The following ATRNL1 variants were observed in gnomAD, a reference collection of about 807,000 sequenced individuals.
ATRNL1 encodes attractin like 1, also known as attractin-like protein 1.
ATRNL1 carries 95 observed loss-of-function variants against 182.7 expected under a neutral mutation model. That is an observed-to-expected ratio of 0.52 (90% CI 0.44 to 0.62). ATRNL1 has a LOEUF of 0.62. Among genes scored for constraint, ATRNL1 ranks in the 20% least tolerant of loss-of-function variants. The pLI is 0.00. For missense variants in ATRNL1, 1,471 were observed against 1,679.5 expected (o/e 0.88, Z 2.17); for synonymous variants, 576 against 568.3 (o/e 1.01, Z -0.19).
chr10:115,684,419 T>A (rs1217076147), intron 26 of ATRNL1, among the ~76,000 whole-genome samples: 1 of 150,792 alleles, frequency 6.6e-6, no homozygotes, highest in Non-Finnish European at 1.5e-5. Flanking sequence ...TTTTTTGTAA[T>A]AACATTAGTA....
intron 19 of ATRNL1, among the ~76,000 whole-genome samples, chr10:115,351,526 A>G (rs1856249338): frequency 6.6e-6 from 1 of 151,840 alleles, no homozygotes; most frequent in Admixed American, 6.6e-5. Context: ...TTATTTTGTT[A>G]TATGTTATAG....
intron 27 of ATRNL1, among the ~76,000 whole-genome samples, chr10:115,779,607 A>C (rs1346553045): frequency 1.3e-5 from 2 of 152,222 alleles, no homozygotes; most frequent in African/African-American, 4.8e-5. Context: ...TGAAAGCTAA[A>C]TATTAGGAGG....
At chr10:115,709,481 G>A (rs528581051) in intron 26 of ATRNL1, among the ~76,000 whole-genome samples, 12 of 152,006 alleles carry the variant, frequency 7.9e-5, no homozygotes, top group African/African-American at 2.9e-4. Flanking sequence ...CAATATATCT[G>A]AAGAGTAAAA....
intron 26 of ATRNL1, among the ~76,000 whole-genome samples, chr10:115,663,695 C>A (rs1030438905): frequency 6.6e-6 from 1 of 151,934 alleles, no homozygotes; most frequent in Non-Finnish European, 1.5e-5. Context: ...TCAAGTAGAA[C>A]TTTTTGGGGG....
At chr10:115,153,369 C>G (rs1186636486) in intron 5 of ATRNL1, among the ~76,000 whole-genome samples, 2 of 152,038 alleles carry the variant, frequency 1.3e-5, no homozygotes, top group Non-Finnish European at 2.9e-5. Context: ...GGTTGGTAAG[C>G]TATTAATTAT....
At chr10:115,590,556 A>G (rs1307011586) in intron 26 of ATRNL1, among the ~76,000 whole-genome samples, 7 of 152,182 alleles carry the variant, frequency 4.6e-5, no homozygotes, top group Non-Finnish European at 8.8e-5. Context: ...ATTAATGAAT[A>G]TTAATAAAAT....
rs1462383669 is a variant in ATRNL1, at chr10:115,558,058, AAAAAAAC to A, written c.3795+8529_3795+8535del. Among the ~76,000 whole-genome samples, 245 of 80,838 alleles carry A rather than the reference AAAAAAAC, an allele frequency of 3.0e-3. 3 individuals carry two copies. Among genetic ancestry groups the A allele is most frequent in the African/African-American group, 1.4e-3 (30 of 21,202 alleles). 53.0% of individuals were successfully genotyped at this position (80,838 alleles called of 152,430 possible). A position where few individuals can be genotyped will look rare whatever the true frequency, so the allele number is the denominator to read the frequency against. ...GACTCCATCTCAAAAACAAAAAAAC[AAAAAAAC>A]AAAAAAAAAAAACCATTTAAAATAC... On this transcript the variant is annotated intron_variant, in intron 26 of 28. Coordinates refer to ENST00000355044, the MANE Select transcript of ATRNL1 (RefSeq NM_207303.4).
At position 115,315,624 on chromosome 10, in the gene ATRNL1, T is replaced by C. The variant is rs1554929393; in HGVS notation, c.2925T>C (p.Gly975=). ...SNTGRGHCIE[G]SSRGPMKLIG... ...CAGGAAGAGGACATTGCATTGAAGG[T>C]TCTTCACGGGGACCAATGAAGCTTA... Residue 975 remains glycine, a synonymous_variant, in exon 18 of 29, where the codon GGT becomes GGC. Coordinates refer to ENST00000355044, the MANE Select transcript of ATRNL1 (RefSeq NM_207303.4). The C allele has an allele frequency of 6.2e-7, 1 of 1,613,916 alleles. No homozygotes were observed. The highest frequency in any genetic ancestry group is 1.7e-5 in the Admixed American group (1 of 59,942).
At chr10:115,436,439 A>G (rs1298366260) in intron 21 of ATRNL1, among the ~76,000 whole-genome samples, 2 of 152,128 alleles carry the variant, frequency 1.3e-5, no homozygotes, top group African/African-American at 4.8e-5. Flanking sequence ...TACAATTAGT[A>G]GTTTTCAGAG....
In ATRNL1 at chr10:115,478,201, G is replaced by A. The variant is rs1343942898; in HGVS notation, c.3654+8872G>A. Among the ~76,000 whole-genome samples the A allele has an allele frequency of 3.3e-5, 5 of 151,594 alleles. No homozygotes were observed. In the South Asian group the frequency reaches 6.2e-4, roughly 19 times the overall value. On this transcript the variant is annotated intron_variant, in intron 24 of 28. Coordinates refer to ENST00000355044, the MANE Select transcript of ATRNL1 (RefSeq NM_207303.4). ...AGCTTATCAGGTTAAAACAAGGACC[G>A]TTTATTATTTTATACTGTCTGTTGG...
chr10:115,573,250 G>A (rs538875443), intron 26 of ATRNL1, among the ~76,000 whole-genome samples: 5 of 152,218 alleles, frequency 3.3e-5, no homozygotes, highest in East Asian at 1.9e-4. Flanking sequence ...GGTGATCTTC[G>A]TCTGGAGTTG....
chr10:115,481,838 A>G (rs1229762191), intron 24 of ATRNL1, among the ~76,000 whole-genome samples: 1 of 151,002 alleles, frequency 6.6e-6, no homozygotes, highest in Non-Finnish European at 1.5e-5. Context: ...TGAAAAAAAT[A>G]TAACTATACT....
At chr10:115,274,174 A>T (rs1851999109) in intron 13 of ATRNL1, among the ~76,000 whole-genome samples, 1 of 152,196 alleles carries the variant, frequency 6.6e-6, no homozygotes, top group Admixed American at 6.5e-5. Flanking sequence ...TATTTCACGT[A>T]CCATTGCACC....
At chr10:115,213,064 T>C (rs1488754009) in intron 8 of ATRNL1, among the ~76,000 whole-genome samples, 1 of 152,154 alleles carries the variant, frequency 6.6e-6, no homozygotes, top group Non-Finnish European at 1.5e-5. Flanking sequence ...AAAATTCTTT[T>C]TAGATAATTT....
At chr10:115,798,814 CT>C (rs1168777540) in intron 27 of ATRNL1, among the ~76,000 whole-genome samples, 2 of 139,746 alleles carry the variant, frequency 1.4e-5, no homozygotes, top group Non-Finnish European at 3.0e-5. Flanking sequence ...CTTTTTTTTT[CT>C]TTTTTTTCTT....
intron 24 of ATRNL1, among the ~76,000 whole-genome samples, chr10:115,480,678 A>G (rs1386618729): frequency 6.6e-6 from 1 of 151,150 alleles, no homozygotes; most frequent in Non-Finnish European, 1.5e-5. Flanking sequence ...TATGATAGGT[A>G]CAAATGTTCT....
intron 7 of ATRNL1, among the ~76,000 whole-genome samples, chr10:115,167,467 CATT>C (rs1347871356): frequency 6.6e-6 from 1 of 151,930 alleles, no homozygotes; most frequent in East Asian, 1.9e-4. Context: ...ATTGTATTGA[CATT>C]AGTTATTTTT....
chr10:115,867,451 C>G (rs904719758), intron 28 of ATRNL1, among the ~76,000 whole-genome samples: 1 of 152,124 alleles, frequency 6.6e-6, no homozygotes, highest in African/African-American at 2.4e-5. Flanking sequence ...AAGTCAAGGT[C>G]AAAGTCTCCT....
At chr10:115,375,539 T>G (rs1416400821) in intron 19 of ATRNL1, among the ~76,000 whole-genome samples, 1 of 152,100 alleles carries the variant, frequency 6.6e-6, no homozygotes. Flanking sequence ...GTTCTTTTGT[T>G]TCTTTCCTCC....
Sources: gnomAD v4.1 joint callset for allele counts (sites outside exome capture counted in the v4.1 genomes callset) on GRCh38, gnomAD v4.1.1 for gene constraint, MANE v1.5 for transcripts, NCBI Gene and HGNC (gene_info 2026-07-23, HGNC 2026-07-21) for gene names.